Variants in ZNF717 observed in about 807,000 individuals in gnomAD.
ZNF717 encodes the protein zinc finger protein 717, also known as krueppel-like factor X17.
A neutral mutation model predicts 13.8 loss-of-function variants in ZNF717; 9 were observed. The observed-to-expected ratio is 0.65, with a 90% CI of 0.39 to 1.14. The LOEUF is 1.14. Ranked by LOEUF, ZNF717 falls within the 50% of genes most tolerant of loss-of-function variation. ZNF717 has a pLI of 0.01. For missense variants in ZNF717, 1,040 were observed against 1,080.7 expected, an observed-to-expected ratio of 0.96 and a Z score of 0.53; for synonymous variants, 327 against 364.1, an observed-to-expected ratio of 0.90 and a Z score of 1.16.
In ZNF717 at chr3:75,716,137, AT is replaced by A. The variant is rs142722374; in HGVS notation, n.667+281del. ...AGGCACATGCCACCATGCCTGGCTA[AT>A]TTTTTTTTTTTTTTTGTATTTTAAT... On this transcript the variant is annotated intron_variant and non_coding_transcript_variant, in intron 5 of 5. Transcript: ENST00000491507. Among the ~76,000 whole-genome samples the A allele has an allele frequency of 2.0e-3, 275 of 139,694 alleles. 1 individual carries two copies. The highest frequency in any genetic ancestry group is 3.7e-3 in the Middle Eastern group (1 of 272). The allele number at this position is 139,694 out of a possible 152,430, so 91.6% of individuals were successfully genotyped here.
chr3:75,708,009 C>T (rs1428299243), downstream of ZNF717, among the ~76,000 whole-genome samples: 10 of 151,864 alleles, frequency 6.6e-5, no homozygotes, highest in South Asian at 4.2e-4. Flanking sequence ...CCTCTGTAGG[C>T]TCCACCTCTG....
chr3:75,750,504 C>A (rs1471591942), intron 2 of ZNF717, among the ~76,000 whole-genome samples: 1 of 151,528 alleles, frequency 6.6e-6, no homozygotes, highest in Non-Finnish European at 1.5e-5. Context: ...GAATCCTTGC[C>A]CCTCACATAG....
rs1939929036 is a variant in ZNF717, at chr3:75,738,888, G to A, written c.735C>T (p.Ala245=). The A allele has an allele frequency of 3.2e-6, 5 of 1,551,402 alleles. No individual in the cohort carries two copies. The highest frequency in any genetic ancestry group is 1.2e-5 in the South Asian group (1 of 84,052). The change falls in exon 5 of 5, where the codon GCC becomes GCT. Residue 245 remains alanine (A), a synonymous_variant. Coordinates refer to ENST00000652011, the MANE Select transcript of ZNF717 (RefSeq NM_001290208.3). ...GGACAATAACAGCTGAGTTATTACA[G>A]GCTTTCTCATATTCATTATATTTAC... ...TFGKYNEYEK[A]CNNSAVIVQV... is the part of the protein sequence containing the mutation.
chr3:75,770,585 A>G (rs1943806587), intron 2 of ZNF717, among the ~76,000 whole-genome samples: 1 of 152,204 alleles, frequency 6.6e-6, no homozygotes, highest in Admixed American at 6.5e-5. Flanking sequence ...TTGAAAATAA[A>G]AGAACAACCA....
At chr3:75,714,812 G>A (rs1051086052) in intron 5 of ZNF717, among the ~76,000 whole-genome samples, 1 of 152,092 alleles carries the variant, frequency 6.6e-6, no homozygotes, top group East Asian at 1.9e-4. Flanking sequence ...GTTAATTATT[G>A]TATATTTCAT....
Position 75,783,330 on chromosome 3 carries a change from C to T in ZNF717, c.33G>A (p.Glu11=). 1.3e-6 allele frequency: 2 copies of T among 1,551,296 alleles called. No individual in the cohort carries two copies. Among genetic ancestry groups the T allele is most frequent in the Non-Finnish European group, 1.7e-6 (2 of 1,146,664 alleles). MFPVFSGCFQ[E]LQEKNKSLEL... ...CCAGAGATTTATTCTTTTCTTGTAGCTCTTGGAAACAGCCAGAGAACACTG... is the reference window on the plus strand; with the variant it reads ...CCAGAGATTTATTCTTTTCTTGTAGTTCTTGGAAACAGCCAGAGAACACTG... The change falls in exon 2 of 5, where the codon GAG becomes GAA. Residue 11 remains glutamate (E), a synonymous_variant. Transcript: ENST00000652011.
chr3:75,750,692 T>C (rs1575828969), intron 2 of ZNF717, among the ~76,000 whole-genome samples: 3 of 151,790 alleles, frequency 2.0e-5, no homozygotes, highest in South Asian at 2.1e-4. Flanking sequence ...GTCTGAATGT[T>C]TGACCCTCAC....
intron 2 of ZNF717, among the ~76,000 whole-genome samples, chr3:75,748,152 G>C (rs1334974297): frequency 1.3e-5 from 2 of 152,116 alleles, no homozygotes; most frequent in African/African-American, 2.4e-5. Context: ...GGAGGAAGTT[G>C]AATCTCTTAA....
intron 2 of ZNF717, among the ~76,000 whole-genome samples, chr3:75,753,012 T>G (rs1436615362): frequency 6.6e-6 from 1 of 151,486 alleles, no homozygotes; most frequent in African/African-American, 2.4e-5. Context: ...TGCTGGTGTC[T>G]GAATGTTTAT....
intron 2 of ZNF717, among the ~76,000 whole-genome samples, chr3:75,749,000 C>T (rs1180082926): frequency 1.3e-5 from 2 of 152,100 alleles, no homozygotes; most frequent in Admixed American, 6.6e-5. Flanking sequence ...CAAAACACTG[C>T]TGCTGTGGTC....
In ZNF717 at chr3:75,738,251, T is replaced by G. The variant is rs747536775; in HGVS notation, c.1372A>C (p.Lys458Gln). 2.6e-6 allele frequency: 4 copies of G among 1,541,582 alleles called. No individual in the cohort carries two copies. The South Asian group carries it at 4.8e-5, about 19-fold the overall frequency. Residue 458 changes from lysine (K) to glutamine (Q), a missense_variant, in exon 5 of 5, where the codon AAA becomes CAA. Physicochemically the swap from Lys to Gln is moderately conservative, Grantham distance 53. Around this residue, in one of 3 missense-constraint regions of ZNF717, gnomAD observed 873 missense variants for 832.8 expected, o/e 1.05. Transcript: ENST00000652011. ...AGGTTTGACTTATTGATAAAGGGTT[T>G]TCCACACTCATTACATTCATACGGT... ...EKPYECNECG[K>Q]PFINKSNLRL...
intron 2 of ZNF717, among the ~76,000 whole-genome samples, chr3:75,767,049 C>T (rs1328417015): frequency 1.3e-5 from 2 of 152,268 alleles, no homozygotes; most frequent in Non-Finnish European, 1.5e-5. Flanking sequence ...ACTTATTTGG[C>T]CAACAGAAGG....
intron 2 of ZNF717, among the ~76,000 whole-genome samples, chr3:75,770,359 G>A (rs906417360): frequency 6.6e-6 from 1 of 152,138 alleles, no homozygotes; most frequent in Non-Finnish European, 1.5e-5. Flanking sequence ...TCGGGAGTTC[G>A]AGACCACCCT....
At chr3:75,768,979 G>A (rs184795029) in intron 2 of ZNF717, among the ~76,000 whole-genome samples, 286 of 152,334 alleles carry the variant, frequency 1.9e-3, no homozygotes, top group African/African-American at 6.2e-3. Flanking sequence ...ACCATTCTGG[G>A]GCTCTTGAGA....
chr3:75,752,103 A>G (rs1376362426), intron 2 of ZNF717, among the ~76,000 whole-genome samples: 1 of 149,984 alleles, frequency 6.7e-6, no homozygotes, highest in Non-Finnish European at 1.5e-5. Context: ...ACTCTAGAAC[A>G]CTCCTACTGT....
chr3:75,765,394 A>G (rs1943383737), intron 2 of ZNF717, among the ~76,000 whole-genome samples: 1 of 152,202 alleles, frequency 6.6e-6, no homozygotes, highest in Non-Finnish European at 1.5e-5. Flanking sequence ...CCAAAATTCG[A>G]AATAATAAAT....
chr3:75,781,365 C>G (rs1349252638), intron 2 of ZNF717, among the ~76,000 whole-genome samples: 1 of 150,414 alleles, frequency 6.6e-6, no homozygotes, highest in East Asian at 2.0e-4. Context: ...CTTCTTCCAC[C>G]AAATGACTGT....
chr3:75,708,513 G>C (rs1403611955), downstream of ZNF717, among the ~76,000 whole-genome samples: 10 of 151,718 alleles, frequency 6.6e-5, no homozygotes, highest in Non-Finnish European at 1.2e-4. Context: ...CACAAAGATG[G>C]GGAAAAAACA....
downstream of ZNF717, among the ~76,000 whole-genome samples, chr3:75,732,412 A>G (rs1197512660): frequency 2.6e-5 from 4 of 152,254 alleles, no homozygotes; most frequent in Non-Finnish European, 4.4e-5. Flanking sequence ...TACAGTCTGA[A>G]TATCTGTTCC....
Sources: gnomAD v4.1 joint callset for allele counts (sites outside exome capture counted in the v4.1 genomes callset) on GRCh38, gnomAD v4.1.1 for gene constraint, gnomAD v4.1.1 regional missense constraint, MANE v1.5 for transcripts, NCBI Gene and HGNC (gene_info 2026-07-23, HGNC 2026-07-21) for gene names.